The following AP2B1 variants were observed in gnomAD, a reference collection of about 807,000 sequenced individuals.
AP2B1 encodes AP-2 complex subunit beta.
AP2B1 carries 23 observed loss-of-function variants against 102.0 expected under a neutral mutation model. That is an observed-to-expected ratio of 0.23 (90% CI 0.16 to 0.32). AP2B1 has a LOEUF of 0.32. Among genes scored for constraint, AP2B1 ranks in the 10% least tolerant of loss-of-function variants. The probability of loss-of-function intolerance (pLI) is 1.00; values close to 1 mark genes in which losing one functional copy is unlikely to be tolerated. For missense variants in AP2B1, 541 were observed against 1,157.4 expected (o/e 0.47, Z 7.73); for synonymous variants, 381 against 421.2 (o/e 0.90, Z 1.17).
chr17:35,650,708 CTG>C lies in AP2B1; in HGVS notation c.1719_1720del (p.Tyr574SerfsTer2). On this transcript the variant is annotated frameshift_variant, in exon 13 of 22. Transcript: ENST00000610402. LOFTEE classifies it high-confidence loss of function. ...ATCTGCCACATTGGTTCTTTGGCCT[CTG>C]TGTATCATAAGCCTCCCAATGCTTT... 6.2e-7 allele frequency: 1 copy of C among 1,614,132 alleles called. No individual in the cohort carries two copies. The highest frequency in any genetic ancestry group is 8.5e-7 in the Non-Finnish European group (1 of 1,180,024).
chr17:35,697,076 C>T (rs1350655093), intron 18 of AP2B1, among the ~76,000 whole-genome samples: 1 of 152,224 alleles, frequency 6.6e-6, no homozygotes, highest in African/African-American at 2.4e-5. Context: ...CAGCCTCTGC[C>T]TGTTGTTTCT....
chr17:35,603,993 A>T (rs2073575811), intron 3 of AP2B1, among the ~76,000 whole-genome samples: 1 of 152,226 alleles, frequency 6.6e-6, no homozygotes, highest in Non-Finnish European at 1.5e-5. Context: ...TATAGATTTC[A>T]TTAAGTTGGA....
intron 12 of AP2B1, among the ~76,000 whole-genome samples, chr17:35,645,096 T>G (rs2074892511): frequency 6.6e-6 from 1 of 152,120 alleles, no homozygotes; most frequent in Non-Finnish European, 1.5e-5. Context: ...CCTGGAAGTT[T>G]TCTGTTTTTT....
At chr17:35,615,765 T>G (rs1190606827) in intron 5 of AP2B1, among the ~76,000 whole-genome samples, 1 of 152,170 alleles carries the variant, frequency 6.6e-6, no homozygotes, top group African/African-American at 2.4e-5. Context: ...CTGGCAGAAT[T>G]TTAGGCACAT....
chr17:35,607,956 T>G, intron 4 of AP2B1, 186 bp from the exon 5 acceptor site: 1 of 677,594 alleles, frequency 1.5e-6, no homozygotes, highest in South Asian at 2.0e-5. Context: ...CTTCTTCACC[T>G]AAACTCTTAA....
intron 9 of AP2B1, among the ~76,000 whole-genome samples, chr17:35,633,875 T>C (rs1404779002): frequency 6.6e-6 from 1 of 152,116 alleles, no homozygotes; most frequent in Non-Finnish European, 1.5e-5. Context: ...GGCCAGGCGC[T>C]GTGGCTCACA....
At chr17:35,597,638 C>A (rs1359753118) in intron 2 of AP2B1, among the ~76,000 whole-genome samples, 1 of 152,164 alleles carries the variant, frequency 6.6e-6, no homozygotes, top group African/African-American at 2.4e-5. Context: ...AATATGAGTT[C>A]TCTTTGACAT....
chr17:35,590,673 T>G (rs1340480652), intron 1 of AP2B1, among the ~76,000 whole-genome samples: 2 of 152,196 alleles, frequency 1.3e-5, no homozygotes, highest in African/African-American at 4.8e-5. Flanking sequence ...CTTATAGGCT[T>G]CTAAAGATAC....
chr17:35,724,626 A>G lies in AP2B1; in HGVS notation c.*927A>G, dbSNP rs2085489140. On this transcript the variant is annotated 3_prime_UTR_variant, in exon 22 of 22. Transcript: ENST00000610402. Reference sequence around the variant, plus strand: ...CTACTTTTAGAGTTGAAACAGAGTAATAACTTATCTAACCCTCTTTTCCTA... The same window carrying G: ...CTACTTTTAGAGTTGAAACAGAGTAGTAACTTATCTAACCCTCTTTTCCTA... 6.6e-6 allele frequency: 1 copy of G among 152,196 alleles called. No individual in the cohort carries two copies. The highest frequency in any genetic ancestry group is 2.1e-4 in the South Asian group (1 of 4,830). The allele number at this position is 152,196 out of a possible 1,614,324, so 9.4% of individuals were successfully genotyped here. A position where few individuals can be genotyped will look rare whatever the true frequency, so the allele number is the denominator to read the frequency against.
chr17:35,656,850 A>G (rs572212238), intron 13 of AP2B1, among the ~76,000 whole-genome samples: 2 of 147,726 alleles, frequency 1.4e-5, no homozygotes, highest in East Asian at 4.1e-4. Flanking sequence ...GCGCCACTGC[A>G]CTCCAGCCTG....
At chr17:35,672,075 G>A (rs2075600840) in intron 16 of AP2B1, among the ~76,000 whole-genome samples, 175 bp downstream of exon 16, 1 of 152,170 alleles carries the variant, frequency 6.6e-6, no homozygotes, top group Admixed American at 6.5e-5. Flanking sequence ...AGCACCATTA[G>A]CATCCTTGTT....
chr17:35,695,714 G>GC (rs969749956), intron 18 of AP2B1, among the ~76,000 whole-genome samples: 3 of 151,994 alleles, frequency 2.0e-5, no homozygotes, highest in Admixed American at 2.0e-4. Context: ...AGTTTCAGTT[G>GC]CCAGAAACAG....
At chr17:35,662,951 T>A (rs1427233415) in intron 14 of AP2B1, among the ~76,000 whole-genome samples, 2 of 152,090 alleles carry the variant, frequency 1.3e-5, no homozygotes, top group Non-Finnish European at 2.9e-5. Context: ...CCAGCTTGAG[T>A]GGTATGGAAT....
intron 5 of AP2B1, 93 bp downstream of exon 5, chr17:35,608,480 G>A: frequency 7.0e-7 from 1 of 1,419,470 alleles, no homozygotes; most frequent in Middle Eastern, 2.0e-4. Flanking sequence ...TGGAATACTG[G>A]GTTATGGGGT....
intron 6 of AP2B1, among the ~76,000 whole-genome samples, chr17:35,625,691 A>T (rs2074296017): frequency 6.6e-6 from 1 of 151,824 alleles, no homozygotes; most frequent in Non-Finnish European, 1.5e-5. Context: ...GTAATATGTA[A>T]TATGTGAGAT....
At position 35,650,842 on chromosome 17, in the gene AP2B1, G is replaced by A. The variant is rs754225559; in HGVS notation, c.1796+53G>A. ...GAGAAATGACTCTTGTTTAGACAGC[G>A]TTGCTCTTCTTTATGCTTTTATAGT... On this transcript the variant is annotated intron_variant, in intron 13 of 21. Coordinates refer to ENST00000610402, the MANE Select transcript of AP2B1 (RefSeq NM_001030006.2). 3.8e-4 allele frequency: 591 copies of A among 1,575,294 alleles called. 1 individual carries two copies. Among genetic ancestry groups the A allele is most frequent in the Middle Eastern group, 2.1e-3 (12 of 5,714 alleles).
intron 5 of AP2B1, 135 bp from the exon 6 acceptor site, chr17:35,624,262 C>T (rs1027940274): frequency 8.7e-6 from 7 of 801,248 alleles, no homozygotes; most frequent in Non-Finnish European, 1.4e-5. Flanking sequence ...TTATTTGTTT[C>T]TATCTGACTA....
At chr17:35,719,916 C>A (rs1250043764) in intron 21 of AP2B1, among the ~76,000 whole-genome samples, 1 of 152,140 alleles carries the variant, frequency 6.6e-6, no homozygotes, top group East Asian at 1.9e-4. Context: ...GCCTAGAAAA[C>A]CCCCAAAATC....
Position 35,715,507 on chromosome 17 carries a change from G to A in AP2B1, c.2627-1688G>A, listed in dbSNP as rs1229653479. ...TTGGGTTTCCTGGGAAATGGGCAAG[G>A]GCCTAGAAAGTTAGGAATGATTTTT... On this transcript the variant is annotated intron_variant, in intron 20 of 21. Coordinates refer to ENST00000610402, the MANE Select transcript of AP2B1 (RefSeq NM_001030006.2). Among the ~76,000 whole-genome samples, 4 of 152,318 alleles carry A rather than the reference G, an allele frequency of 2.6e-5. No homozygotes were observed. The East Asian group carries it at 7.7e-4, about 29-fold the overall frequency.
Sources: allele counts gnomAD v4.1 joint callset (sites outside exome capture counted in the v4.1 genomes callset), GRCh38; gene constraint gnomAD v4.1.1; transcripts MANE v1.5; gene names NCBI Gene and HGNC (gene_info 2026-07-23, HGNC 2026-07-21).